OPCML: variants seen among roughly 807,000 people sequenced by gnomAD.
The protein encoded by OPCML is opioid binding protein/cell adhesion molecule like.
OPCML carries 13 observed loss-of-function variants against 37.8 expected under a neutral mutation model. The observed-to-expected ratio is 0.34, with a 90% CI of 0.22 to 0.55. The LOEUF (loss-of-function observed/expected upper bound fraction) is 0.55. Among genes scored for constraint, OPCML ranks in the 20% least tolerant of loss-of-function variants. The pLI, the probability that OPCML is intolerant of heterozygous loss-of-function variation, is 0.91. For missense variants in OPCML, 341 were observed against 435.6 expected (o/e 0.78, Z 1.93); for synonymous variants, 176 against 168.8 (o/e 1.04, Z -0.33).
At position 133,481,059 on chromosome 11, in the gene OPCML, CT is replaced by C. The variant is rs1947360970; in HGVS notation, c.61+51204del. Among the ~76,000 whole-genome samples the C allele has an allele frequency of 3.9e-5, 6 of 152,278 alleles. No homozygotes were observed. In the South Asian group the frequency reaches 1.2e-3, roughly 32 times the overall value. On this transcript the variant is annotated intron_variant, in intron 1 of 7. Transcript: ENST00000524381. ...ATGTAGACATAGGTGGCAAAGATAA[CT>C]GAAGAGATTACTTAGATGAATAGCT...
intron 3 of OPCML, among the ~76,000 whole-genome samples, chr11:132,559,867 C>G (rs887942242): frequency 1.3e-5 from 2 of 152,184 alleles, no homozygotes; most frequent in African/African-American, 4.8e-5. Context: ...GGTTTTAAAA[C>G]CAGACTGTGA....
chr11:132,804,958 T>C (rs370011525), intron 2 of OPCML, among the ~76,000 whole-genome samples: 7 of 152,186 alleles, frequency 4.6e-5, no homozygotes, highest in African/African-American at 1.7e-4. Flanking sequence ...ATGTTAGAGT[T>C]AGCAGACAAA....
intron 3 of OPCML, among the ~76,000 whole-genome samples, chr11:132,609,775 G>A (rs1938527745): frequency 6.6e-6 from 1 of 152,076 alleles, no homozygotes; most frequent in Non-Finnish European, 1.5e-5. Context: ...CATTATCATT[G>A]CACGTGTTTA....
intron 2 of OPCML, among the ~76,000 whole-genome samples, chr11:132,664,871 A>G (rs115948395): frequency 3.9e-3 from 597 of 152,340 alleles, no homozygotes; most frequent in African/African-American, 0.014. Context: ...GTATTGGTTG[A>G]GAATGTATCT....
chr11:132,771,250 A>G (rs1946625614), intron 2 of OPCML, among the ~76,000 whole-genome samples: 1 of 152,218 alleles, frequency 6.6e-6, no homozygotes, highest in South Asian at 2.1e-4. Flanking sequence ...ATGCTTTGAT[A>G]TCTATACAAT....
chr11:132,918,011 TG>T (rs1222703971), intron 2 of OPCML, among the ~76,000 whole-genome samples: 1 of 152,172 alleles, frequency 6.6e-6, no homozygotes, highest in Non-Finnish European at 1.5e-5. Context: ...TTTAAAAAAT[TG>T]TTTTAATATG....
At position 132,971,869 on chromosome 11, in the gene OPCML, C is replaced by T. The variant is rs114171795; in HGVS notation, c.62-28859G>A. Among the ~76,000 whole-genome samples the T allele has an allele frequency of 4.3e-3, 660 of 152,282 alleles. 9 individuals are homozygous for T. The highest frequency in any genetic ancestry group is 0.015 in the African/African-American group (640 of 41,556). ...CTAAAACCACTAGACCCTACTGGCC[C>T]CAATCTAGCCTGACACCTTGTATGT... On this transcript the variant is annotated intron_variant, in intron 1 of 7. Coordinates refer to ENST00000524381, the MANE Select transcript of OPCML (RefSeq NM_001012393.5).
chr11:132,669,910 T>C (rs1390206075), intron 2 of OPCML, among the ~76,000 whole-genome samples: 1 of 152,144 alleles, frequency 6.6e-6, no homozygotes, highest in Non-Finnish European at 1.5e-5. Flanking sequence ...TAGAGCCTTT[T>C]AGGGAGCTAC....
At chr11:133,330,072 A>AG (rs1943580894) in intron 1 of OPCML, among the ~76,000 whole-genome samples, 1 of 152,220 alleles carries the variant, frequency 6.6e-6, no homozygotes, top group South Asian at 2.1e-4. Context: ...CAGCCAAAAC[A>AG]ACACATGAAA....
intron 2 of OPCML, among the ~76,000 whole-genome samples, chr11:132,838,249 T>C (rs974394411): frequency 1.6e-4 from 24 of 152,172 alleles, no homozygotes; most frequent in African/African-American, 5.8e-4. Flanking sequence ...GCCCTCATGG[T>C]ATTAACGGTC....
intron 1 of OPCML, among the ~76,000 whole-genome samples, chr11:133,325,212 T>G (rs1943420267): frequency 6.6e-6 from 1 of 152,214 alleles, no homozygotes; most frequent in African/African-American, 2.4e-5. Context: ...GCTTCAGACG[T>G]GCTGTATTCT....
At chr11:132,630,582 C>T (rs966199999) in intron 3 of OPCML, among the ~76,000 whole-genome samples, 2 of 151,834 alleles carry the variant, frequency 1.3e-5, no homozygotes, top group African/African-American at 4.8e-5. Context: ...AGAGCATATA[C>T]CACTACATAC....
chr11:133,343,170 A>T (rs548612183), intron 1 of OPCML, among the ~76,000 whole-genome samples: 1 of 152,210 alleles, frequency 6.6e-6, no homozygotes, highest in Non-Finnish European at 1.5e-5. Context: ...AGAGTAACAA[A>T]GTCCAAGTTC....
chr11:133,115,578 C>T (rs1303416841), intron 1 of OPCML, among the ~76,000 whole-genome samples: 2 of 152,158 alleles, frequency 1.3e-5, no homozygotes, highest in East Asian at 3.9e-4. Flanking sequence ...AACCCTAATT[C>T]TTTCGTATCA....
intron 1 of OPCML, among the ~76,000 whole-genome samples, chr11:133,340,048 T>C (rs1943828892): frequency 6.6e-6 from 1 of 152,118 alleles, no homozygotes; most frequent in African/African-American, 2.4e-5. Context: ...CATTTGTATC[T>C]AGAAAAAAAA....
rs542388087 is a variant in OPCML, at chr11:132,759,735, T to C, written c.147-102416A>G. 2.0e-5 allele frequency among the ~76,000 whole-genome samples: 3 copies of C among 152,300 alleles called. No homozygotes were observed. The South Asian group carries it at 6.2e-4, about 32-fold the overall frequency. On this transcript the variant is annotated intron_variant, in intron 2 of 7. Coordinates refer to ENST00000524381, the MANE Select transcript of OPCML (RefSeq NM_001012393.5). Reference sequence around the variant, plus strand: ...AGCAATCTATCTATTTTGTTAATCTTTTCTAAAAGGCAGTTCCTGGATTCA... The same window carrying C: ...AGCAATCTATCTATTTTGTTAATCTCTTCTAAAAGGCAGTTCCTGGATTCA...
chr11:132,892,409 G>GA (rs1344297769), intron 2 of OPCML, among the ~76,000 whole-genome samples: 2 of 152,158 alleles, frequency 1.3e-5, no homozygotes, highest in African/African-American at 4.8e-5. Context: ...GAAATATAGA[G>GA]AAAAAATAAT....
intron 2 of OPCML, chr11:132,817,332 C>G (rs1473393297): frequency 6.6e-5 from 10 of 152,094 alleles, no homozygotes; most frequent in African/African-American, 2.2e-4. Context: ...GTCTACAAAC[C>G]AGTGAAGGCC....
At chr11:133,180,002 C>T (rs149116961) in intron 1 of OPCML, among the ~76,000 whole-genome samples, 230 of 152,192 alleles carry the variant, frequency 1.5e-3, no homozygotes, top group South Asian at 4.8e-3. Flanking sequence ...ACTAGGATCC[C>T]GCAGAAGGCA....
Sources: gnomAD v4.1 joint callset for allele counts (sites outside exome capture counted in the v4.1 genomes callset) on GRCh38, gnomAD v4.1.1 for gene constraint, MANE v1.5 for transcripts, NCBI Gene and HGNC (gene_info 2026-07-23, HGNC 2026-07-21) for gene names.